Variants in SLC49A4 observed in about 807,000 individuals in gnomAD.
The protein encoded by SLC49A4 is solute carrier family 49 member 4, also known as disrupted in renal cancer protein 2.
Under a neutral mutation model 50.6 loss-of-function variants are expected in SLC49A4, and 36 were observed. The observed-to-expected ratio is 0.71, with a 90% CI of 0.55 to 0.94. SLC49A4 has a LOEUF of 0.94. SLC49A4 is among the 40% of genes least tolerant of loss of function. The pLI is 0.00. For missense variants in SLC49A4, 503 were observed against 605.7 expected, an observed-to-expected ratio of 0.83 and a Z score of 1.78; for synonymous variants, 248 against 241.2, an observed-to-expected ratio of 1.03 and a Z score of -0.26.
chr3:122,816,592 A>G (rs1011288527), intron 2 of SLC49A4, among the ~76,000 whole-genome samples: 1 of 152,194 alleles, frequency 6.6e-6, no homozygotes, highest in Admixed American at 6.5e-5. Context: ...TAATGAGGAG[A>G]TCTCAAAATA....
chr3:122,795,908 T>C (rs1339446327), intron 1 of SLC49A4, among the ~76,000 whole-genome samples: 1 of 152,092 alleles, frequency 6.6e-6, no homozygotes, highest in African/African-American at 2.4e-5. Flanking sequence ...ATGGGGATGT[T>C]GAGGATGAAA....
At chr3:122,852,437 A>G (rs1936938473) in intron 5 of SLC49A4, among the ~76,000 whole-genome samples, 1 of 152,134 alleles carries the variant, frequency 6.6e-6, no homozygotes, top group Non-Finnish European at 1.5e-5. Flanking sequence ...TATGTTTGAT[A>G]TTTGGTAATT....
intron 5 of SLC49A4, among the ~76,000 whole-genome samples, chr3:122,849,623 T>C (rs1373391433): frequency 6.6e-6 from 1 of 152,254 alleles, no homozygotes. Flanking sequence ...ATTATATGTC[T>C]TCTTTTGAGA....
chr3:122,795,381 C>T lies in SLC49A4; in HGVS notation c.189C>T (p.Phe63=). 3.1e-6 allele frequency: 5 copies of T among 1,601,036 alleles called. No homozygotes were observed. The highest frequency in any genetic ancestry group is 4.2e-6 in the Non-Finnish European group (5 of 1,177,002). Residue 63 remains phenylalanine (F), a synonymous_variant, in exon 1 of 9, where the codon TTC becomes TTT. Transcript: ENST00000261038. ...TGCTGCTCTTCTCGCTGCTGGCGTT[C>T]GTTCAGGGCCTGGTCTGGAACACCT... The part of the protein sequence containing the change: ...LVLLLFSLLA[F]VQGLVWNTWG...
At position 122,814,846 on chromosome 3, in the gene SLC49A4, TGTGGCCCAAGACG is replaced by T. The variant is rs1395885136; in HGVS notation, c.437+7899_437+7911del. On this transcript the variant is annotated intron_variant, in intron 2 of 8. Coordinates refer to ENST00000261038, the MANE Select transcript of SLC49A4 (RefSeq NM_032839.3). ...GTCATTCGTGTTAGTGTATTTTATG[TGTGGCCCAAGACG>T]GTTCTTCTTCTTCCAGTGTGGCCCA... Among the ~76,000 whole-genome samples the T allele has an allele frequency of 2.0e-5, 3 of 152,262 alleles. No homozygotes were observed. The East Asian group carries it at 5.8e-4, about 29-fold the overall frequency.
At chr3:122,796,720 A>C (rs1331661432) in intron 1 of SLC49A4, among the ~76,000 whole-genome samples, 1 of 152,136 alleles carries the variant, frequency 6.6e-6, no homozygotes, top group African/African-American at 2.4e-5. Flanking sequence ...GAGGGTTAAG[A>C]TTTCAAAATG....
intron 7 of SLC49A4, among the ~76,000 whole-genome samples, chr3:122,868,434 A>G (rs1337409737): frequency 1.3e-5 from 2 of 152,220 alleles, no homozygotes; most frequent in Non-Finnish European, 2.9e-5. Flanking sequence ...TCAGTATTAT[A>G]CAAAGTTATG....
chr3:122,832,005 A>G (rs1200433837), intron 3 of SLC49A4, among the ~76,000 whole-genome samples: 2 of 152,030 alleles, frequency 1.3e-5, no homozygotes, highest in African/African-American at 4.8e-5. Flanking sequence ...TCTGCTAACA[A>G]TCTTGTGTTT....
intron 1 of SLC49A4, among the ~76,000 whole-genome samples, chr3:122,798,277 T>G (rs895808422): frequency 1.6e-4 from 24 of 152,258 alleles, no homozygotes; most frequent in Admixed American, 5.9e-4. Flanking sequence ...ATTCCCCAAA[T>G]TTAGCCAACC....
chr3:122,816,406 T>G (rs527689902), intron 2 of SLC49A4, among the ~76,000 whole-genome samples: 269 of 152,212 alleles, frequency 1.8e-3, no homozygotes, highest in Non-Finnish European at 2.7e-3. Context: ...ATGTTCTGAT[T>G]TTTTTCCAGC....
At chr3:122,807,781 G>T (rs1035424790) in intron 2 of SLC49A4, among the ~76,000 whole-genome samples, 1 of 152,104 alleles carries the variant, frequency 6.6e-6, no homozygotes, top group Non-Finnish European at 1.5e-5. Flanking sequence ...GTAAGAATGG[G>T]ATATAAAAAG....
rs200932046 is a variant in SLC49A4, at chr3:122,824,727, CT to C, written c.438-2071del. 6.1e-3 allele frequency among the ~76,000 whole-genome samples: 503 copies of C among 82,728 alleles called. 2 individuals carry two copies. Among genetic ancestry groups the C allele is most frequent in the African/African-American group, 0.024 (474 of 20,044 alleles). 54.3% of individuals were successfully genotyped at this position (82,728 alleles called of 152,430 possible). The stretch of plus-strand genomic sequence containing the variant: ...CTTTCCTTTCCTTTCTTTTTTTTTC[CT>C]TCTTTTTTTTTTTTTTTTTTTTGAG... On this transcript the variant is annotated intron_variant, in intron 2 of 8. Coordinates refer to ENST00000261038, the MANE Select transcript of SLC49A4 (RefSeq NM_032839.3).
At chr3:122,866,780 A>G (rs529321699) in intron 7 of SLC49A4, among the ~76,000 whole-genome samples, 1 of 152,060 alleles carries the variant, frequency 6.6e-6, no homozygotes, top group Non-Finnish European at 1.5e-5. Flanking sequence ...GACCTGCCAG[A>G]TGACTCTCTT....
intron 2 of SLC49A4, among the ~76,000 whole-genome samples, chr3:122,807,213 A>G (rs1936231868): frequency 1.1e-5 from 1 of 93,538 alleles, no homozygotes; most frequent in Non-Finnish European, 2.6e-5. Flanking sequence ...TAAGTATAAT[A>G]ATATAACATA....
chr3:122,860,958 C>G (rs1937052110), intron 7 of SLC49A4, among the ~76,000 whole-genome samples: 2 of 152,162 alleles, frequency 1.3e-5, no homozygotes, highest in Admixed American at 1.3e-4. Context: ...CACCCACATT[C>G]CTTGTTTATG....
intron 3 of SLC49A4, among the ~76,000 whole-genome samples, chr3:122,830,966 G>A (rs1936600432): frequency 6.6e-6 from 1 of 152,062 alleles, no homozygotes; most frequent in Non-Finnish European, 1.5e-5. Context: ...AGTGGGTAAA[G>A]GACTCAAACA....
rs569994158 is a variant in SLC49A4 at position 122,827,337 on chromosome 3, G to A, written c.703+272G>A. Reference sequence around the variant, plus strand: ...TTTCATCTATTTACGGTTAAGTACTGTATAACACATTTTCTATGTCCTCTC... The same window carrying A: ...TTTCATCTATTTACGGTTAAGTACTATATAACACATTTTCTATGTCCTCTC... On this transcript the variant is annotated intron_variant, in intron 3 of 8. Coordinates refer to ENST00000261038, the MANE Select transcript of SLC49A4 (RefSeq NM_032839.3). Among the ~76,000 whole-genome samples, 11 of 152,274 alleles carry A rather than the reference G, an allele frequency of 7.2e-5. No individual in the cohort carries two copies. The East Asian group carries it at 1.9e-3, about 27-fold the overall frequency.
intron 5 of SLC49A4, among the ~76,000 whole-genome samples, chr3:122,856,021 C>T (rs1322560739): frequency 6.6e-6 from 1 of 152,152 alleles, no homozygotes; most frequent in Non-Finnish European, 1.5e-5. Flanking sequence ...CAGGCTGTGA[C>T]TATCTTCCAT....
intron 3 of SLC49A4, among the ~76,000 whole-genome samples, chr3:122,831,570 C>T (rs1936609043): frequency 6.6e-6 from 1 of 152,068 alleles, no homozygotes; most frequent in African/African-American, 2.4e-5. Flanking sequence ...ATACTCAAAT[C>T]TATAGGGACT....
Sources: allele counts gnomAD v4.1 joint callset (sites outside exome capture counted in the v4.1 genomes callset), GRCh38; gene constraint gnomAD v4.1.1; transcripts MANE v1.5; gene names NCBI Gene and HGNC (gene_info 2026-07-23, HGNC 2026-07-21).